Variants in PTPRA observed in about 807,000 individuals in gnomAD.
PTPRA encodes the protein protein tyrosine phosphatase receptor type A, also known as receptor-type tyrosine-protein phosphatase alpha.
Under a neutral mutation model 104.8 loss-of-function variants are expected in PTPRA, and 25 were observed. That is an observed-to-expected ratio of 0.24 (90% confidence interval 0.17 to 0.33). PTPRA has a LOEUF of 0.33. Ranked by LOEUF, PTPRA falls within the 10% of genes least tolerant of loss-of-function variation. PTPRA has a pLI of 1.00. For synonymous variants in PTPRA, 323 were observed against 368.9 expected (o/e 0.88, Z 1.43); for missense variants, 765 against 1,015.3 (o/e 0.75, Z 3.35).
intron 2 of PTPRA, among the ~76,000 whole-genome samples, chr20:2,934,951 G>A (rs1340595288): frequency 6.6e-6 from 1 of 151,930 alleles, no homozygotes; most frequent in Non-Finnish European, 1.5e-5. Context: ...GGATTAGAGT[G>A]GTGAGCCACT....
chr20:2,880,862 T>C (rs1568636847), intron 1 of PTPRA, among the ~76,000 whole-genome samples: 1 of 151,856 alleles, frequency 6.6e-6, no homozygotes, highest in Non-Finnish European at 1.5e-5. Context: ...AAATAAAAAA[T>C]TAGCCGTGTG....
chr20:3,022,142 C>T lies in PTPRA; in HGVS notation c.1250C>T (p.Pro417Leu). The part of the protein sequence containing the change: ...SWPDFGVPFT[P>L]IGMLKFLKKV... ...CCAGACTTTGGGGTGCCTTTTACCCCGATCGGCATGCTCAAGTTCCTCAAG... is the reference window on the plus strand; with the variant it reads ...CCAGACTTTGGGGTGCCTTTTACCCTGATCGGCATGCTCAAGTTCCTCAAG... The change falls in exon 15 of 24, where the codon CCG (proline) becomes CTG (leucine). Residue 417 changes from proline (P) to leucine (L), a missense_variant. Pro to Leu is a moderately conservative substitution (Grantham distance 98, BLOSUM62 -3). Transcript: ENST00000399903. This position sits in a 1 kb window ranked among gnomAD's most constrained non-coding sequence, Gnocchi z 4.6. 1.2e-6 allele frequency: 2 copies of T among 1,614,212 alleles called. No homozygotes were observed. Among genetic ancestry groups the T allele is most frequent in the Non-Finnish European group, 1.7e-6 (2 of 1,180,028 alleles).
intron 1 of PTPRA, among the ~76,000 whole-genome samples, chr20:2,875,281 T>C (rs1431300686): frequency 1.3e-5 from 2 of 152,170 alleles, no homozygotes; most frequent in Admixed American, 6.5e-5. Context: ...TGGGAACTGG[T>C]AGGTCCCATA....
In PTPRA at chr20:2,959,919, C is replaced by A. The variant is rs144825278; in HGVS notation, c.-6-4353C>A. On this transcript the variant is annotated intron_variant, in intron 3 of 23. Coordinates refer to ENST00000399903, the MANE Select transcript of PTPRA (RefSeq NM_001385305.1). ...TGAGCCACAGTCATGCCCCTGCACTCCAGCCTGGGCAACAGAGTGAGACTC... is the reference window on the plus strand; with the variant it reads ...TGAGCCACAGTCATGCCCCTGCACTACAGCCTGGGCAACAGAGTGAGACTC... Among the ~76,000 whole-genome samples the A allele has an allele frequency of 4.8e-3, 736 of 152,184 alleles. 4 individuals are homozygous for A. Among genetic ancestry groups the A allele is most frequent in the African/African-American group, 0.016 (684 of 41,524 alleles).
chr20:2,936,942 C>T (rs541395555), intron 2 of PTPRA, among the ~76,000 whole-genome samples: 118 of 151,920 alleles, frequency 7.8e-4, no homozygotes, highest in Non-Finnish European at 1.3e-3. Flanking sequence ...ACAGTGGGTT[C>T]CTTGAACATT....
intron 6 of PTPRA, among the ~76,000 whole-genome samples, chr20:2,975,835 GAGAGAA>G (rs1474256850): frequency 1.3e-5 from 2 of 152,214 alleles, no homozygotes; most frequent in South Asian, 2.1e-4. Context: ...CAAAGAGCAT[GAGAGAA>G]AGAGAAAGAG....
intron 9 of PTPRA, among the ~76,000 whole-genome samples, chr20:2,994,674 T>C (rs527412215): frequency 6.6e-6 from 1 of 152,324 alleles, no homozygotes; most frequent in African/African-American, 2.4e-5. Context: ...CTCCTCTACT[T>C]TGTGCCCAGG....
chr20:2,886,163 G>A (rs775218734), intron 1 of PTPRA, among the ~76,000 whole-genome samples: 2 of 152,168 alleles, frequency 1.3e-5, no homozygotes, highest in Non-Finnish European at 2.9e-5. Flanking sequence ...TTATTTATGA[G>A]CCCATTGGGA....
At chr20:2,866,418 C>T in the PTPRA span, 1 of 1,614,144 alleles carries the variant, frequency 6.2e-7, no homozygotes, top group South Asian at 1.1e-5. Context: ...TCCTCTCTTG[C>T]TCAAACCACA....
chr20:3,033,242 C>T (rs899235258), intron 20 of PTPRA, among the ~76,000 whole-genome samples: 2 of 151,948 alleles, frequency 1.3e-5, no homozygotes, highest in African/African-American at 4.8e-5. Flanking sequence ...CTTCCCCCGA[C>T]ACCAGTCCAC....
At chr20:3,002,144 A>G (rs952183033) in intron 9 of PTPRA, among the ~76,000 whole-genome samples, 1 of 143,816 alleles carries the variant, frequency 7.0e-6, no homozygotes, top group Non-Finnish European at 1.5e-5. Flanking sequence ...TGTCTCCAAA[A>G]AAAAACAACA....
chr20:2,891,384 G>A (rs2058783419), intron 1 of PTPRA, among the ~76,000 whole-genome samples: 1 of 152,122 alleles, frequency 6.6e-6, no homozygotes, highest in South Asian at 2.1e-4. Flanking sequence ...CTTAACGTTG[G>A]TAGCCTTATC....
chr20:2,977,802 A>AAT (rs762450564), intron 6 of PTPRA, among the ~76,000 whole-genome samples: 18 of 151,202 alleles, frequency 1.2e-4, no homozygotes, highest in Non-Finnish European at 2.1e-4. Context: ...AAAATATGTA[A>AAT]ATATATATAT....
chr20:2,913,930 AATG>A (rs945178600), intron 1 of PTPRA, among the ~76,000 whole-genome samples: 198 of 152,298 alleles, frequency 1.3e-3, no homozygotes, highest in African/African-American at 4.5e-3. Flanking sequence ...ATGGCTGCCA[AATG>A]ATGATTTTCT....
At chr20:3,033,136 A>G (rs1028537095) in intron 20 of PTPRA, among the ~76,000 whole-genome samples, 2 of 151,844 alleles carry the variant, frequency 1.3e-5, no homozygotes, top group African/African-American at 2.4e-5. Context: ...AGCCAGTCCT[A>G]TGGCTTTAAG....
At chr20:2,865,582 C>A in the PTPRA span, 1 of 1,231,440 alleles carries the variant, frequency 8.1e-7, no homozygotes, top group East Asian at 2.4e-5. This position sits in a 1 kb window ranked among gnomAD's most constrained non-coding sequence, Gnocchi z 5.2. Flanking sequence ...TAGGATGGCC[C>A]GTTCATGCTC....
chr20:2,991,425 T>C (rs1239757909), intron 9 of PTPRA, among the ~76,000 whole-genome samples: 2 of 152,014 alleles, frequency 1.3e-5, no homozygotes, highest in Admixed American at 6.5e-5. Flanking sequence ...CTCAGTACCA[T>C]AGCTGGATCT....
At chr20:3,005,457 G>A (rs900587803) in intron 10 of PTPRA, among the ~76,000 whole-genome samples, 1 of 152,182 alleles carries the variant, frequency 6.6e-6, no homozygotes. Context: ...GGCTGAGGTA[G>A]GAGGATCCCT....
intron 1 of PTPRA, among the ~76,000 whole-genome samples, chr20:2,880,200 A>G (rs1026897470): frequency 7.2e-5 from 11 of 152,232 alleles, no homozygotes; most frequent in Non-Finnish European, 1.5e-4. Flanking sequence ...TGTAGTCCAG[A>G]GCAGTAGTTT....
Sources: allele counts gnomAD v4.1 joint callset (sites outside exome capture counted in the v4.1 genomes callset), GRCh38; gene constraint gnomAD v4.1.1; non-coding constraint Gnocchi (gnomAD v3.1); transcripts MANE v1.5; gene names NCBI Gene and HGNC (gene_info 2026-07-23, HGNC 2026-07-21).